Variants in ZNF44 observed in about 807,000 individuals in gnomAD.
ZNF44 encodes the protein zinc finger protein 44.
Under a neutral mutation model 11.7 loss-of-function variants are expected in ZNF44, and 9 were observed. The observed-to-expected ratio is 0.77, with a 90% confidence interval of 0.46 to 1.35. The LOEUF (loss-of-function observed/expected upper bound fraction) is 1.35. Ranked by LOEUF, ZNF44 falls within the 40% of genes most tolerant of loss-of-function variation. The pLI is 0.00. For missense variants in ZNF44, 696 were observed against 743.1 expected, an observed-to-expected ratio of 0.94 and a Z score of 0.74; for synonymous variants, 224 against 242.7, an observed-to-expected ratio of 0.92 and a Z score of 0.72.
At chr19:12,274,859 A>C in intron 3 of ZNF44, 114 bp downstream of exon 3, 1 of 683,472 alleles carries the variant, frequency 1.5e-6, no homozygotes, top group Non-Finnish European at 2.4e-6. Flanking sequence ...AATTTTTCTA[A>C]GAATAAATAA....
At chr19:12,246,300 AT>A (rs1231869478), downstream of ZNF44, among the ~76,000 whole-genome samples, 1 of 152,232 alleles carries the variant, frequency 6.6e-6, no homozygotes, top group Non-Finnish European at 1.5e-5. Flanking sequence ...TCTATCATCC[AT>A]ATCTTGGCCA....
chr19:12,254,000 G>A lies in ZNF44; in HGVS notation c.1913-3632C>T, dbSNP rs546909351. On this transcript the variant is annotated intron_variant and NMD_transcript_variant, in intron 5 of 7. Coordinates refer to the ZNF44 transcript ENST00000393337. The stretch of plus-strand genomic sequence containing the variant: ...TCTCGAAAAAGGAAAAAATAAGAAG[G>A]ACACAGGTGAACTGAATAGCACCAA... Among the ~76,000 whole-genome samples, 3 of 151,930 alleles carry A rather than the reference G, an allele frequency of 2.0e-5. No homozygotes were observed. In the East Asian group the frequency reaches 5.8e-4, roughly 29 times the overall value.
At chr19:12,242,542 A>G (rs891099859), upstream of ZNF44, among the ~76,000 whole-genome samples, 4 of 147,302 alleles carry the variant, frequency 2.7e-5, no homozygotes, top group Non-Finnish European at 6.0e-5. Flanking sequence ...CTGGCCAGGC[A>G]CATTGGCACA....
intron 3 of ZNF44, 146 bp from the exon 4 acceptor site, chr19:12,274,209 G>T: frequency 5.6e-6 from 3 of 538,154 alleles, no homozygotes; most frequent in Non-Finnish European, 9.4e-6. Flanking sequence ...TGTTGTGCAA[G>T]ATAACTCAAT....
chr19:12,285,549 C>G (rs923766118), intron 1 of ZNF44, among the ~76,000 whole-genome samples: 1 of 152,150 alleles, frequency 6.6e-6, no homozygotes, highest in Non-Finnish European at 1.5e-5. Context: ...CCACAGCACC[C>G]GGCCTGGTCA....
At chr19:12,282,329 T>A (rs12610228) in intron 1 of ZNF44, among the ~76,000 whole-genome samples, 27,688 of 151,996 alleles carry the variant, frequency 0.18, 2,603 homozygotes, top group East Asian at 0.27. Flanking sequence ...TGGTCTCACA[T>A]ATAGGCATTA....
Position 12,274,001 on chromosome 19 carries a change from C to G in ZNF44, c.254G>C (p.Ser85Thr). 1.2e-6 allele frequency: 2 copies of G among 1,613,992 alleles called. No homozygotes were observed. Among genetic ancestry groups the G allele is most frequent in the Non-Finnish European group, 1.7e-6 (2 of 1,179,904 alleles). ...GTTTACAATACTATTTCGAATCTGG[C>G]TTAAGGTTTCTCCACACTGACTACC... is the stretch of plus-strand genomic sequence containing the variant. ...KDGSQCGETL[S>T]QIRNSIVNKN... The change falls in exon 4 of 4, where the codon AGC becomes ACC. Residue 85 changes from serine to threonine, a missense_variant. By Grantham distance (58) the Ser-to-Thr change is moderately conservative. Transcript: ENST00000355684.
At chr19:12,280,333 G>A (rs1439833167) in intron 1 of ZNF44, among the ~76,000 whole-genome samples, 3 of 152,096 alleles carry the variant, frequency 2.0e-5, no homozygotes, top group African/African-American at 4.8e-5. Context: ...ATCACACTTC[G>A]GAACTGTCTA....
downstream of ZNF44, among the ~76,000 whole-genome samples, chr19:12,268,145 GACACACACACAC>G (rs71166661): frequency 5.3e-4 from 73 of 136,854 alleles, no homozygotes; most frequent in South Asian, 3.7e-3. Context: ...CACACACACA[GACACACACACAC>G]ACACACACAC....
At chr19:12,293,251 C>T (rs1329462157) in intron 1 of ZNF44, 1 of 1,536,726 alleles carries the variant, frequency 6.5e-7, no homozygotes, top group Admixed American at 2.0e-5. Flanking sequence ...TGGGAGGCCC[C>T]ACTCCAACAC....
At position 12,272,723 on chromosome 19, in the gene ZNF44, T is replaced by C. The variant is rs374014524; in HGVS notation, c.1532A>G (p.Lys511Arg). The C allele has an allele frequency of 5.6e-6, 9 of 1,613,524 alleles. No homozygotes were observed. In the African/African-American group the frequency reaches 1.1e-4, roughly 19 times the overall value. Reference protein sequence around the residue: ...EKSYECQICGKAFSRFSYLKT... With the variant: ...EKSYECQICGRAFSRFSYLKT... Reference sequence around the variant, plus strand: ...TAAGTAACTGAAACGACTGAAGGCTTTGCCACAAATTTGACACTCATAAGA... The same window carrying C: ...TAAGTAACTGAAACGACTGAAGGCTCTGCCACAAATTTGACACTCATAAGA... Residue 511 changes from lysine to arginine, a missense_variant, in exon 4 of 4, where the codon AAA becomes AGA. Physicochemically the swap from Lys to Arg is conservative, Grantham distance 26 (BLOSUM62 2). Coordinates refer to ENST00000355684, the MANE Select transcript of ZNF44 (RefSeq NM_016264.4).
chr19:12,274,025 C>T lies in ZNF44; in HGVS notation c.230G>A (p.Gly77Asp). 6.2e-7 allele frequency: 1 copy of T among 1,613,472 alleles called. No homozygotes were observed. The highest frequency in any genetic ancestry group is 2.2e-5 in the East Asian group (1 of 44,860). ...GCTTAAGGTTTCTCCACACTGACTA[C>T]CATCTTTACTTTTACCAAATCTCTC... ...VVERFGKSKD[G>D]SQCGETLSQI... The change falls in exon 4 of 4, where the codon GGT becomes GAT. Residue 77 changes from glycine to aspartate, a missense_variant. Coordinates refer to ENST00000355684, the MANE Select transcript of ZNF44 (RefSeq NM_016264.4).
intron 1 of ZNF44, chr19:12,293,298 GAT>G: frequency 6.5e-7 from 1 of 1,536,886 alleles, no homozygotes; most frequent in South Asian, 1.2e-5. Context: ...CCCAAGGGCC[GAT>G]ATCCACTAGG....
chr19:12,266,876 G>A (rs1398253291), downstream of ZNF44, among the ~76,000 whole-genome samples: 2 of 152,192 alleles, frequency 1.3e-5, no homozygotes, highest in African/African-American at 4.8e-5. Flanking sequence ...CCAAAGGAAC[G>A]ATCCTCGTGC....
upstream of ZNF44, chr19:12,237,792 G>A (rs1440003361): frequency 7.3e-6 from 1 of 137,266 alleles, no homozygotes; most frequent in Non-Finnish European, 1.6e-5. Flanking sequence ...CCCAGGCCAG[G>A]CTTCCTTCTG....
chr19:12,260,385 G>C (rs1917457030), intron 5 of ZNF44: 1 of 1,389,888 alleles, frequency 7.2e-7, no homozygotes, highest in African/African-American at 1.4e-5. Context: ...GAATGCTGGC[G>C]TCACGCTCAG....
intron 1 of ZNF44, among the ~76,000 whole-genome samples, chr19:12,291,446 C>A (rs1031797688): frequency 3.3e-5 from 5 of 152,156 alleles, no homozygotes; most frequent in Non-Finnish European, 5.9e-5. Flanking sequence ...CCTGAGAAAC[C>A]TATTACATGG....
chr19:12,254,029 A>G (rs1252368865), intron 5 of ZNF44, among the ~76,000 whole-genome samples: 1 of 152,114 alleles, frequency 6.6e-6, no homozygotes, highest in Non-Finnish European at 1.5e-5. Context: ...GCACCAAACA[A>G]TAGATTCCAC....
intron 1 of ZNF44, among the ~76,000 whole-genome samples, chr19:12,286,149 G>A (rs1031142038): frequency 9.2e-5 from 14 of 152,190 alleles, no homozygotes; most frequent in African/African-American, 3.4e-4. Flanking sequence ...AATCTTTTCA[G>A]CACAATTTTT....
Sources: gnomAD v4.1 joint callset for allele counts (sites outside exome capture counted in the v4.1 genomes callset) on GRCh38, gnomAD v4.1.1 for gene constraint, MANE v1.5 for transcripts, NCBI Gene and HGNC (gene_info 2026-07-23, HGNC 2026-07-21) for gene names.